The following ZNF804B variants were observed in gnomAD, a reference collection of about 807,000 sequenced individuals.
ZNF804B encodes zinc finger protein 804B, also known as zinc finger 804B.
ZNF804B carries 80 observed loss-of-function variants against 101.4 expected under a neutral mutation model. The observed-to-expected ratio is 0.79, with a 90% CI of 0.66 to 0.95. The LOEUF (loss-of-function observed/expected upper bound fraction) is 0.95. Among genes scored for constraint, ZNF804B ranks in the 40% least tolerant of loss-of-function variants. ZNF804B has a pLI of 0.00. For synonymous variants in ZNF804B, 622 were observed against 558.8 expected (o/e 1.11, Z -1.59); for missense variants, 1,673 against 1,561.9 (o/e 1.07, Z -1.20).
chr7:89,060,607 G>C (rs994052552), intron 1 of ZNF804B, among the ~76,000 whole-genome samples: 1 of 151,992 alleles, frequency 6.6e-6, no homozygotes, highest in African/African-American at 2.4e-5. Flanking sequence ...AATCTCCCCT[G>C]CCAAGTTATT....
At chr7:89,275,828 A>G (rs1789971734) in intron 2 of ZNF804B, among the ~76,000 whole-genome samples, 1 of 151,832 alleles carries the variant, frequency 6.6e-6, no homozygotes, top group Admixed American at 6.6e-5. Context: ...CCACTTATGA[A>G]TATATCCCCA....
chr7:88,871,547 A>C (rs1375280289), intron 1 of ZNF804B, among the ~76,000 whole-genome samples: 1 of 151,848 alleles, frequency 6.6e-6, no homozygotes. Flanking sequence ...ATTACACTAT[A>C]CTTTAGTGGA....
At chr7:88,766,261 A>G (rs375573718) in intron 1 of ZNF804B, among the ~76,000 whole-genome samples, 19 of 152,282 alleles carry the variant, frequency 1.2e-4, no homozygotes, top group African/African-American at 4.6e-4. Flanking sequence ...AGTGAACCAT[A>G]ATAAGGCCAC....
At position 89,248,688 on chromosome 7, in the gene ZNF804B, C is replaced by CT. The variant is rs373770085; in HGVS notation, c.249+30395dup. On this transcript the variant is annotated intron_variant, in intron 2 of 3. Transcript: ENST00000333190. The stretch of plus-strand genomic sequence containing the variant: ...CAATACCTGCTACCACAAAAATACA[C>CT]TTAAGTACCTAGCCCACAGCCCCTA... Among the ~76,000 whole-genome samples, 790 of 152,176 alleles carry CT rather than the reference C, an allele frequency of 5.2e-3. 7 individuals carry two copies. Among genetic ancestry groups the CT allele is most frequent in the African/African-American group, 0.018 (767 of 41,520 alleles).
intron 1 of ZNF804B, among the ~76,000 whole-genome samples, chr7:88,825,419 C>T (rs1791038675): frequency 6.6e-6 from 1 of 151,942 alleles, no homozygotes; most frequent in African/African-American, 2.4e-5. Flanking sequence ...TATGGAGAAC[C>T]AGACATACCA....
intron 1 of ZNF804B, among the ~76,000 whole-genome samples, chr7:89,086,736 CCTTT>C (rs1169027854): frequency 2.7e-4 from 41 of 151,918 alleles, no homozygotes; most frequent in African/African-American, 9.2e-4. Context: ...TTATGGGATG[CCTTT>C]TCAGAGTTTG....
In ZNF804B at chr7:89,337,894, G is replaced by A. The variant is rs1004399011; in HGVS notation, c.*862G>A. 9.2e-5 allele frequency among the ~76,000 whole-genome samples: 14 copies of A among 151,842 alleles called. No homozygotes were observed. Among genetic ancestry groups the A allele is most frequent in the African/African-American group, 3.1e-4 (13 of 41,426 alleles). On this transcript the variant is annotated 3_prime_UTR_variant, in exon 4 of 4. Coordinates refer to ENST00000333190, the MANE Select transcript of ZNF804B (RefSeq NM_181646.5). ...TTCTTCTACTCAAAAATTTTACTAC[G>A]TTCAGCCAATACATGTATAAGGATA...
intron 1 of ZNF804B, among the ~76,000 whole-genome samples, chr7:89,104,401 T>G (rs1195993181): frequency 6.6e-6 from 1 of 152,066 alleles, no homozygotes; most frequent in African/African-American, 2.4e-5. Flanking sequence ...TACTACTGAT[T>G]CAATGTTCTT....
At chr7:88,829,565 A>AT (rs1404649965) in intron 1 of ZNF804B, among the ~76,000 whole-genome samples, 2 of 151,928 alleles carry the variant, frequency 1.3e-5, no homozygotes, top group Admixed American at 6.6e-5. Context: ...TTTTAAAATA[A>AT]TTTTTTTCTA....
chr7:89,229,177 T>C (rs1789148118), intron 2 of ZNF804B, among the ~76,000 whole-genome samples: 1 of 152,170 alleles, frequency 6.6e-6, no homozygotes, highest in Non-Finnish European at 1.5e-5. Flanking sequence ...GGGCTCTCAC[T>C]GTGCAGCGGC....
At chr7:89,326,634 C>A (rs1310147451) in intron 2 of ZNF804B, among the ~76,000 whole-genome samples, 1 of 152,018 alleles carries the variant, frequency 6.6e-6, no homozygotes. Flanking sequence ...CATTCAATAT[C>A]ATTAGCTGTG....
chr7:88,834,689 TA>T (rs1393870031), intron 1 of ZNF804B, among the ~76,000 whole-genome samples: 1 of 151,452 alleles, frequency 6.6e-6, no homozygotes, highest in Non-Finnish European at 1.5e-5. Context: ...TATATCCCAA[TA>T]AAGTAGTTTG....
At chr7:88,777,073 C>G (rs771811999) in intron 1 of ZNF804B, among the ~76,000 whole-genome samples, 2 of 152,100 alleles carry the variant, frequency 1.3e-5, no homozygotes, top group Admixed American at 1.3e-4. Context: ...AAGCATGTAC[C>G]TGGGAGTGCT....
chr7:89,160,665 T>C (rs890172817), intron 1 of ZNF804B, among the ~76,000 whole-genome samples: 1 of 152,160 alleles, frequency 6.6e-6, no homozygotes, highest in Non-Finnish European at 1.5e-5. Context: ...AAGACATTTA[T>C]CATAGGTTTA....
chr7:88,984,280 T>C (rs893600630), intron 1 of ZNF804B, among the ~76,000 whole-genome samples: 1 of 152,090 alleles, frequency 6.6e-6, no homozygotes, highest in Non-Finnish European at 1.5e-5. Flanking sequence ...AGCTTAGTGT[T>C]TAACAAGACA....
Position 88,782,049 on chromosome 7 carries a change from G to C in ZNF804B, c.108+21965G>C, listed in dbSNP as rs188754595. Among the ~76,000 whole-genome samples the C allele has an allele frequency of 2.2e-4, 33 of 151,956 alleles. No individual in the cohort carries two copies. The East Asian group carries it at 6.2e-3, about 29-fold the overall frequency. On this transcript the variant is annotated intron_variant, in intron 1 of 3. Coordinates refer to ENST00000333190, the MANE Select transcript of ZNF804B (RefSeq NM_181646.5). Reference sequence around the variant, plus strand: ...TTTCATAATTTGCTGCCTTATAAAAGGGCTTTCTACACCAATTTGTAAGTA... The same window carrying C: ...TTTCATAATTTGCTGCCTTATAAAACGGCTTTCTACACCAATTTGTAAGTA...
chr7:88,858,177 C>T (rs557363141), intron 1 of ZNF804B, among the ~76,000 whole-genome samples: 1 of 152,206 alleles, frequency 6.6e-6, no homozygotes, highest in South Asian at 2.1e-4. Context: ...GTCACTAATT[C>T]ATAAATAGCA....
intron 2 of ZNF804B, among the ~76,000 whole-genome samples, chr7:89,301,526 T>C (rs1790473337): frequency 6.6e-6 from 1 of 152,026 alleles, no homozygotes. Flanking sequence ...GCTTCATTTC[T>C]CTTTTCTTTT....
chr7:88,902,246 C>T (rs949917847), intron 1 of ZNF804B, among the ~76,000 whole-genome samples: 6 of 151,784 alleles, frequency 4.0e-5, no homozygotes, highest in East Asian at 1.9e-4. Context: ...AGATACAATC[C>T]TAAGTTTTTA....
Sources: gnomAD v4.1 joint callset for allele counts (sites outside exome capture counted in the v4.1 genomes callset) on GRCh38, gnomAD v4.1.1 for gene constraint, MANE v1.5 for transcripts, NCBI Gene and HGNC (gene_info 2026-07-23, HGNC 2026-07-21) for gene names.